Variants in ATP10B observed in about 807,000 individuals in gnomAD.
ATP10B encodes phospholipid-transporting ATPase VB.
A neutral mutation model predicts 141.2 loss-of-function variants in ATP10B; 122 were observed. The ratio of observed to expected loss-of-function variants is 0.86; its 90% confidence interval spans 0.75 to 1.00. The LOEUF (loss-of-function observed/expected upper bound fraction) is 1.00. Among genes scored for constraint, ATP10B ranks in the 50% least tolerant of loss-of-function variants. The probability of loss-of-function intolerance (pLI) is 0.00; values close to 1 mark genes in which losing one functional copy is unlikely to be tolerated. For synonymous variants in ATP10B, 685 were observed against 692.0 expected (o/e 0.99, Z 0.16); for missense variants, 1,876 against 1,825.3 (o/e 1.03, Z -0.51).
intron 2 of ATP10B, among the ~76,000 whole-genome samples, chr5:160,773,187 A>G (rs112724293): frequency 6.6e-6 from 1 of 152,280 alleles, no homozygotes; most frequent in South Asian, 2.1e-4. Flanking sequence ...GCTAAGAATC[A>G]CCTGAGGAGT....
the ATP10B span, among the ~76,000 whole-genome samples, chr5:160,890,458 C>T: frequency 1.3e-5 from 2 of 152,180 alleles, no homozygotes; most frequent in Non-Finnish European, 2.9e-5. Context: ...CCCCTTTGCC[C>T]AGTCCCTGGC....
At chr5:160,903,726 T>C in the ATP10B span, among the ~76,000 whole-genome samples, 1 of 152,190 alleles carries the variant, frequency 6.6e-6, no homozygotes. Flanking sequence ...TACTTCCTTA[T>C]CTCACACAGA....
intron 13 of ATP10B, among the ~76,000 whole-genome samples, chr5:160,625,418 C>A (rs921110482): frequency 1.3e-5 from 2 of 152,052 alleles, no homozygotes; most frequent in Admixed American, 1.3e-4. Context: ...AAATAGATTT[C>A]TTTTTTAGGG....
At chr5:160,916,691 G>T in the ATP10B span, among the ~76,000 whole-genome samples, 1 of 152,194 alleles carries the variant, frequency 6.6e-6, no homozygotes, top group Non-Finnish European at 1.5e-5. Flanking sequence ...AGTCATAGAT[G>T]CCAGATTTAA....
the ATP10B span, among the ~76,000 whole-genome samples, chr5:160,916,989 T>A: frequency 6.6e-6 from 1 of 152,210 alleles, no homozygotes; most frequent in African/African-American, 2.4e-5. Flanking sequence ...TGAGTATACG[T>A]GCAAGTGTAC....
At chr5:160,874,294 G>C in the ATP10B span, among the ~76,000 whole-genome samples, 1 of 151,768 alleles carries the variant, frequency 6.6e-6, no homozygotes. Flanking sequence ...CACACGGCAG[G>C]GTATTCCAAC....
intron 20 of ATP10B, 96 bp downstream of exon 20, chr5:160,603,869 G>A: frequency 1.9e-6 from 2 of 1,033,400 alleles, no homozygotes; most frequent in Non-Finnish European, 3.0e-6. Flanking sequence ...GGATGTGGGT[G>A]GAAGTTCTCA....
chr5:160,905,362 C>A, the ATP10B span, among the ~76,000 whole-genome samples: 1 of 152,192 alleles, frequency 6.6e-6, no homozygotes, highest in East Asian at 1.9e-4. Flanking sequence ...CCAGCCTCTG[C>A]CATTTAATAG....
chr5:160,813,782 A>G (rs1561882524), intron 1 of ATP10B, among the ~76,000 whole-genome samples: 1 of 152,176 alleles, frequency 6.6e-6, no homozygotes, highest in Non-Finnish European at 1.5e-5. Context: ...CTCTGAGACA[A>G]AACTTCTGGA....
chr5:160,826,901 G>A (rs77667435), intron 1 of ATP10B, among the ~76,000 whole-genome samples: 4,028 of 152,194 alleles, frequency 0.026, 77 homozygotes, highest in Middle Eastern at 0.048. Context: ...TGGTCAGATC[G>A]GTTCTCTGCT....
chr5:160,885,300 AGAAG>A, the ATP10B span, among the ~76,000 whole-genome samples: 1 of 152,238 alleles, frequency 6.6e-6, no homozygotes, highest in Non-Finnish European at 1.5e-5. Flanking sequence ...TGTGATTCTA[AGAAG>A]GAAGGCAGCA....
At chr5:160,774,861 TAAC>T (rs1202541648) in intron 2 of ATP10B, among the ~76,000 whole-genome samples, 2 of 152,178 alleles carry the variant, frequency 1.3e-5, no homozygotes, top group Non-Finnish European at 2.9e-5. Flanking sequence ...TACTCCCAGT[TAAC>T]AATCTCACAG....
At chr5:160,863,044 T>C in the ATP10B span, among the ~76,000 whole-genome samples, 1 of 152,000 alleles carries the variant, frequency 6.6e-6, no homozygotes, top group African/African-American at 2.4e-5. Flanking sequence ...ATATATGAGA[T>C]GATATTTGAT....
chr5:160,699,674 G>A (rs1764566805), intron 3 of ATP10B, among the ~76,000 whole-genome samples: 1 of 152,078 alleles, frequency 6.6e-6, no homozygotes. Context: ...TGCCTTCAGA[G>A]TTTTCCTAGG....
At chr5:160,675,503 C>T (rs920232802) in intron 6 of ATP10B, among the ~76,000 whole-genome samples, 2 of 152,100 alleles carry the variant, frequency 1.3e-5, no homozygotes, top group African/African-American at 4.8e-5. Context: ...GCTGAAGGCT[C>T]CATTTCTCAA....
At chr5:160,817,621 C>T (rs1329536976) in intron 1 of ATP10B, among the ~76,000 whole-genome samples, 2 of 152,176 alleles carry the variant, frequency 1.3e-5, no homozygotes, top group Admixed American at 6.5e-5. Flanking sequence ...CTACCAATGA[C>T]TTTCTTCACA....
intron 1 of ATP10B, among the ~76,000 whole-genome samples, chr5:160,824,035 T>C (rs1332944853): frequency 6.6e-6 from 1 of 152,162 alleles, no homozygotes; most frequent in Non-Finnish European, 1.5e-5. Flanking sequence ...ATTTTTCTTT[T>C]TTTTGAGACG....
At chr5:160,718,959 TTGAATAAACAGA>T (rs1219832997) in intron 2 of ATP10B, among the ~76,000 whole-genome samples, 5 of 152,152 alleles carry the variant, frequency 3.3e-5, no homozygotes, top group Admixed American at 2.0e-4. Flanking sequence ...AACTTGGATG[TTGAATAAACAGA>T]TGAATAAACA....
intron 5 of ATP10B, chr5:160,686,847 G>A: frequency 1.4e-6 from 1 of 689,884 alleles, no homozygotes; most frequent in African/African-American, 1.9e-5. Flanking sequence ...CAGTTGCTCA[G>A]TAAATGGTCA....
Sources: gnomAD v4.1 joint callset for allele counts (sites outside exome capture counted in the v4.1 genomes callset) on GRCh38, gnomAD v4.1.1 for gene constraint, MANE v1.5 for transcripts, NCBI Gene and HGNC (gene_info 2026-07-23, HGNC 2026-07-21) for gene names.